Variants in PRSS23 observed in about 807,000 individuals in gnomAD.
PRSS23 encodes the protein serine protease 23.
A neutral mutation model predicts 34.7 loss-of-function variants in PRSS23; 25 were observed. That is an observed-to-expected ratio of 0.72 (90% CI 0.53 to 1.01). PRSS23 has a LOEUF of 1.01. Ranked by LOEUF, PRSS23 falls within the 50% of genes least tolerant of loss-of-function variation. The probability of loss-of-function intolerance (pLI) is 0.00; values close to 1 mark genes in which losing one functional copy is unlikely to be tolerated. For synonymous variants in PRSS23, 176 were observed against 186.6 expected, an observed-to-expected ratio of 0.94 and a Z score of 0.46; for missense variants, 445 against 475.6, an observed-to-expected ratio of 0.94 and a Z score of 0.60.
intron 2 of PRSS23, among the ~76,000 whole-genome samples, chr11:86,830,187 G>C (rs542139063): frequency 6.6e-6 from 1 of 152,074 alleles, no homozygotes; most frequent in African/African-American, 2.4e-5. Context: ...AAGCAAGCCC[G>C]GGCAATGGTG....
intron 2 of PRSS23, among the ~76,000 whole-genome samples, chr11:86,882,254 G>A (rs1948776612): frequency 6.6e-6 from 1 of 152,150 alleles, no homozygotes; most frequent in South Asian, 2.1e-4. Flanking sequence ...GTGTAGGTTT[G>A]TTAGTAAATG....
intron 2 of PRSS23, among the ~76,000 whole-genome samples, chr11:86,845,292 A>G (rs1484425269): frequency 6.6e-6 from 1 of 152,250 alleles, no homozygotes; most frequent in Non-Finnish European, 1.5e-5. Flanking sequence ...ACTTACTTAG[A>G]TAAGGACAAA....
intron 2 of PRSS23, chr11:86,939,015 T>C (rs1186327010): frequency 6.7e-6 from 3 of 451,088 alleles, no homozygotes; most frequent in African/African-American, 2.0e-5. Flanking sequence ...GTTTTTCCTC[T>C]GCAGAGCTTC....
At chr11:86,883,913 A>G (rs1402491335) in intron 2 of PRSS23, among the ~76,000 whole-genome samples, 2 of 151,956 alleles carry the variant, frequency 1.3e-5, no homozygotes, top group African/African-American at 4.8e-5. Context: ...AAGCACCTCA[A>G]ATTTAGCAGC....
chr11:86,848,658 A>G (rs1948506103), intron 2 of PRSS23, among the ~76,000 whole-genome samples: 1 of 152,200 alleles, frequency 6.6e-6, no homozygotes, highest in African/African-American at 2.4e-5. Context: ...TCACCTAAGA[A>G]GCGGCCGATA....
intron 2 of PRSS23, among the ~76,000 whole-genome samples, chr11:86,869,795 C>G (rs1250241278): frequency 6.6e-6 from 1 of 152,182 alleles, no homozygotes; most frequent in Non-Finnish European, 1.5e-5. Context: ...TCAGATTGGT[C>G]ACTGTGAAAT....
At chr11:86,870,777 T>A (rs957558982) in intron 2 of PRSS23, among the ~76,000 whole-genome samples, 6 of 152,190 alleles carry the variant, frequency 3.9e-5, no homozygotes, top group Admixed American at 1.3e-4. Context: ...TGTCCAATCT[T>A]CTCTTTAACC....
intron 2 of PRSS23, among the ~76,000 whole-genome samples, chr11:86,846,834 T>A (rs1426828063): frequency 2.0e-5 from 3 of 152,192 alleles, no homozygotes; most frequent in Non-Finnish European, 4.4e-5. Flanking sequence ...TGATGGCTAT[T>A]TTGAAGGACC....
intron 2 of PRSS23, among the ~76,000 whole-genome samples, chr11:86,851,502 G>A (rs1948529174): frequency 2.0e-5 from 3 of 152,228 alleles, no homozygotes; most frequent in African/African-American, 7.2e-5. Flanking sequence ...GAGTGACAAG[G>A]ATTTGAGAGG....
chr11:86,802,865 A>G (rs974451607), intron 1 of PRSS23, among the ~76,000 whole-genome samples: 1 of 152,206 alleles, frequency 6.6e-6, no homozygotes, highest in Non-Finnish European at 1.5e-5. Context: ...TCTGTTAATT[A>G]TGCAAAGTCC....
chr11:86,796,083 A>G (rs1301922604), upstream of PRSS23, among the ~76,000 whole-genome samples: 1 of 152,212 alleles, frequency 6.6e-6, no homozygotes, highest in African/African-American at 2.4e-5. Flanking sequence ...CTGGAACAAA[A>G]GCAAGATAGA....
At chr11:86,879,677 G>T (rs1474610693) in intron 2 of PRSS23, among the ~76,000 whole-genome samples, 5 of 138,722 alleles carry the variant, frequency 3.6e-5, no homozygotes, top group African/African-American at 1.1e-4. Context: ...AGGAGGTGGG[G>T]GGGTCAGCCC....
Position 86,939,426 on chromosome 11 carries a change from A to ATTTTTTTT in PRSS23, c.207-11784_207-11783insTTTTTTTT. Among the ~76,000 whole-genome samples, 63 of 94,018 alleles carry ATTTTTTTT rather than the reference A, an allele frequency of 6.7e-4. 2 individuals are homozygous for ATTTTTTTT. Among genetic ancestry groups the ATTTTTTTT allele is most frequent in the South Asian group, 4.2e-3 (12 of 2,836 alleles). 61.7% of individuals were successfully genotyped at this position (94,018 alleles called of 152,430 possible). A position where few individuals can be genotyped will look rare whatever the true frequency, so the allele number is the denominator to read the frequency against. On this transcript the variant is annotated intron_variant, in intron 2 of 2. Transcript: ENST00000533902. ...AAAATATATATATATATATATATAT[A>ATTTTTTTT]TTTTTTAACATGAGTAAAAATTGCA...
intron 1 of PRSS23, among the ~76,000 whole-genome samples, chr11:86,818,710 G>A (rs1346317719): frequency 6.6e-6 from 1 of 152,040 alleles, no homozygotes; most frequent in Non-Finnish European, 1.5e-5. Context: ...GATGCTCATC[G>A]GCAACTCGTG....
intron 2 of PRSS23, among the ~76,000 whole-genome samples, chr11:86,885,658 C>T (rs1404005953): frequency 6.6e-6 from 1 of 152,246 alleles, no homozygotes; most frequent in African/African-American, 2.4e-5. Flanking sequence ...TTCCCTGTGC[C>T]TCCAGCCTGC....
At chr11:86,826,657 G>A (rs971612676) in intron 2 of PRSS23, among the ~76,000 whole-genome samples, 17 of 152,144 alleles carry the variant, frequency 1.1e-4, no homozygotes, top group Non-Finnish European at 1.9e-4. Context: ...ATTATTTTGA[G>A]ATACGTCCCA....
At chr11:86,949,749 C>T (rs2063621945) in intron 2 of PRSS23, 1 of 152,690 alleles carries the variant, frequency 6.5e-6, no homozygotes, top group Non-Finnish European at 1.5e-5. Context: ...TTCATATGGT[C>T]TACACTTTAT....
At chr11:86,831,029 T>C (rs905778350) in intron 2 of PRSS23, among the ~76,000 whole-genome samples, 4 of 152,074 alleles carry the variant, frequency 2.6e-5, no homozygotes, top group Non-Finnish European at 5.9e-5. Flanking sequence ...TGGAATATCC[T>C]AGGGGGATGT....
chr11:86,869,656 G>C (rs1948671960), intron 2 of PRSS23, among the ~76,000 whole-genome samples: 1 of 152,104 alleles, frequency 6.6e-6, no homozygotes, highest in Non-Finnish European at 1.5e-5. Flanking sequence ...CTTCTGCAAT[G>C]CCTCTCAAAC....
Sources: allele counts gnomAD v4.1 joint callset (sites outside exome capture counted in the v4.1 genomes callset), GRCh38; gene constraint gnomAD v4.1.1; transcripts MANE v1.5; gene names NCBI Gene and HGNC (gene_info 2026-07-23, HGNC 2026-07-21).